RAB8B: variants seen among roughly 807,000 people sequenced by gnomAD.
RAB8B encodes ras-related protein Rab-8B.
Under a neutral mutation model 32.0 loss-of-function variants are expected in RAB8B, and 11 were observed. That is an observed-to-expected ratio of 0.34 (90% CI 0.22 to 0.57). The LOEUF (loss-of-function observed/expected upper bound fraction) is 0.57. Among genes scored for constraint, RAB8B ranks in the 20% least tolerant of loss-of-function variants. The pLI is 0.86. For missense variants in RAB8B, 190 were observed against 258.5 expected, an observed-to-expected ratio of 0.73 and a Z score of 1.82; for synonymous variants, 103 against 89.6, an observed-to-expected ratio of 1.15 and a Z score of -0.85.
At chr15:63,250,376 C>T (rs757430190) in intron 3 of RAB8B, among the ~76,000 whole-genome samples, 1 of 152,148 alleles carries the variant, frequency 6.6e-6, no homozygotes, top group Non-Finnish European at 1.5e-5. Context: ...AGCCCTGCCA[C>T]CATTATCTCT....
At chr15:63,236,082 C>T (rs1321153104) in intron 1 of RAB8B, among the ~76,000 whole-genome samples, 1 of 152,100 alleles carries the variant, frequency 6.6e-6, no homozygotes, top group Non-Finnish European at 1.5e-5. Context: ...CTCTCTTGGC[C>T]TCAGTTTTCT....
intron 1 of RAB8B, among the ~76,000 whole-genome samples, chr15:63,231,336 A>G (rs1023659300): frequency 6.6e-6 from 1 of 152,218 alleles, no homozygotes; most frequent in Non-Finnish European, 1.5e-5. Context: ...ATACATGGTC[A>G]ATACTTGGAA....
intron 1 of RAB8B, among the ~76,000 whole-genome samples, chr15:63,242,835 A>G (rs2038043416): frequency 6.6e-6 from 1 of 152,010 alleles, no homozygotes; most frequent in Admixed American, 6.5e-5. Context: ...TTCATGGAAG[A>G]CAGTTTTTCC....
rs1352391944 is a variant in RAB8B at position 63,263,711 on chromosome 15, C to T, written c.*92C>T. 1.8e-5 allele frequency: 18 copies of T among 1,022,870 alleles called. No homozygotes were observed. The highest frequency in any genetic ancestry group is 2.4e-5 in the Non-Finnish European group (16 of 666,202). The allele number at this position is 1,022,870 out of a possible 1,614,324, so 63.4% of individuals were successfully genotyped here. A position where few individuals can be genotyped will look rare whatever the true frequency, so the allele number is the denominator to read the frequency against. On this transcript the variant is annotated 3_prime_UTR_variant, in exon 8 of 8. Transcript: ENST00000321437. ...CACCCAGCCTCAGAATCACACCTCC[C>T]GGCTGCTGCTGAGAGCACCACTGAA...
At chr15:63,256,474 G>GT in intron 4 of RAB8B, 31 bp from the exon 5 acceptor site, 3 of 1,529,152 alleles carry the variant, frequency 2.0e-6, no homozygotes, top group South Asian at 2.4e-5. Context: ...TTCTCAGGCT[G>GT]TTTTTATAGC....
chr15:63,249,671 G>A lies in RAB8B; in HGVS notation c.212G>A (p.Arg71Gln). Reference sequence around the variant, plus strand: ...GACACAGCGGGTCAGGAAAGATTCCGAACAATCACGACAGCGTACTACAGA... The same window carrying A: ...GACACAGCGGGTCAGGAAAGATTCCAAACAATCACGACAGCGTACTACAGA... ...IWDTAGQERFRTITTAYYRGA... is the reference protein window; with the variant it reads ...IWDTAGQERFQTITTAYYRGA... The change falls in exon 3 of 8, where the codon CGA becomes CAA. Residue 71 changes from arginine (R) to glutamine (Q), a missense_variant. By Grantham distance (43) the Arg-to-Gln change is conservative. This residue lies in a region of RAB8B where 80 missense variants were observed against 142.6 expected (regional missense o/e 0.56). Transcript: ENST00000321437. 6.2e-6 allele frequency: 10 copies of A among 1,613,866 alleles called. No individual in the cohort carries two copies. Among genetic ancestry groups the A allele is most frequent in the Non-Finnish European group, 8.5e-6 (10 of 1,179,876 alleles).
At chr15:63,217,637 G>A (rs1428865254) in intron 1 of RAB8B, among the ~76,000 whole-genome samples, 17 of 152,194 alleles carry the variant, frequency 1.1e-4, no homozygotes, top group Admixed American at 1.1e-3. Flanking sequence ...AATGCTCATT[G>A]TGCAAATGAG....
intron 1 of RAB8B, among the ~76,000 whole-genome samples, chr15:63,231,114 A>T (rs2037933171): frequency 6.6e-6 from 1 of 152,242 alleles, no homozygotes; most frequent in South Asian, 2.1e-4. Context: ...AAGTAAAAAT[A>T]TGTATACAGC....
rs1293211551 is a variant in RAB8B, at chr15:63,264,039, A to T, written c.*420A>T. 1 of 156,962 alleles carries T rather than the reference A, an allele frequency of 6.4e-6. No individual in the cohort carries two copies. Among genetic ancestry groups the T allele is most frequent in the African/African-American group, 2.4e-5 (1 of 41,674 alleles). The allele number at this position is 156,962 out of a possible 1,614,324, so 9.7% of individuals were successfully genotyped here. Reference sequence around the variant, plus strand: ...TAAAAGAGCATTTACAGCAGAGGTTAATATACTAAAATTAAAGGGTATTTG... The same window carrying T: ...TAAAAGAGCATTTACAGCAGAGGTTTATATACTAAAATTAAAGGGTATTTG... On this transcript the variant is annotated 3_prime_UTR_variant, in exon 8 of 8. Transcript: ENST00000321437.
At chr15:63,221,987 C>T in intron 1 of RAB8B, among the ~76,000 whole-genome samples, 1 of 152,150 alleles carries the variant, frequency 6.6e-6, no homozygotes, top group South Asian at 2.1e-4. Context: ...AGCCCTTGGT[C>T]AGTTTTCTCT....
At chr15:63,211,763 A>G (rs1342619209) in intron 1 of RAB8B, among the ~76,000 whole-genome samples, 1 of 152,168 alleles carries the variant, frequency 6.6e-6, no homozygotes, top group African/African-American at 2.4e-5. Context: ...ATTGATAGAC[A>G]TCTCATAACT....
chr15:63,193,665 G>A (rs2037576923), intron 1 of RAB8B, among the ~76,000 whole-genome samples: 1 of 151,944 alleles, frequency 6.6e-6, no homozygotes, highest in Admixed American at 6.6e-5. Context: ...CAAAAAATTA[G>A]CCGGGGGTGG....
At chr15:63,236,077 T>G (rs1489344934) in intron 1 of RAB8B, among the ~76,000 whole-genome samples, 1 of 152,240 alleles carries the variant, frequency 6.6e-6, no homozygotes, top group African/African-American at 2.4e-5. Flanking sequence ...TGCATCTCTC[T>G]TGGCCTCAGT....
chr15:63,255,490 AT>A lies in RAB8B; in HGVS notation c.247-12del, dbSNP rs769878065. The A allele has an allele frequency of 3.2e-5, 49 of 1,534,066 alleles. No individual in the cohort carries two copies. In the Admixed American group the frequency reaches 4.2e-4, roughly 13 times the overall value. On this transcript the variant is annotated splice_polypyrimidine_tract_variant and intron_variant, in intron 3 of 7. Transcript: ENST00000321437. ...AATATATAAAGTACTAAATAAAGAT[AT>A]TTTTCCCCCTTATAGGGCATTATGC...
chr15:63,232,456 G>A (rs1015893903), intron 1 of RAB8B, among the ~76,000 whole-genome samples: 2 of 152,238 alleles, frequency 1.3e-5, no homozygotes, highest in Admixed American at 1.3e-4. Context: ...GTTATATTTT[G>A]TTGGTATGAT....
intron 1 of RAB8B, among the ~76,000 whole-genome samples, chr15:63,240,276 A>G (rs1458735475): frequency 6.6e-6 from 1 of 152,168 alleles, no homozygotes; most frequent in African/African-American, 2.4e-5. Flanking sequence ...CTGGAAAGCT[A>G]TTACAAATAA....
rs8036238 is a variant in RAB8B at position 63,259,742 on chromosome 15, G to T, written c.480+50G>T. 1.8e-3 allele frequency: 2,660 copies of T among 1,508,270 alleles called. 37 individuals carry two copies. In the African/African-American group the frequency reaches 0.033, roughly 19 times the overall value. The allele number at this position is 1,508,270 out of a possible 1,614,324, so 93.4% of individuals were successfully genotyped here. The stretch of plus-strand genomic sequence containing the variant: ...GTTACGGAGCAGCACCAGTGCTTAG[G>T]GGCCTGTGTTCAAACAGCTCTCAGA... On this transcript the variant is annotated intron_variant, in intron 6 of 7. Coordinates refer to ENST00000321437, the MANE Select transcript of RAB8B (RefSeq NM_016530.3). This position sits in a 1 kb window ranked among gnomAD's most constrained non-coding sequence, Gnocchi z 4.4.
rs188735457 is a variant in RAB8B at position 63,232,603 on chromosome 15, A to G, written c.125-12153A>G. 4.6e-4 allele frequency among the ~76,000 whole-genome samples: 70 copies of G among 152,360 alleles called. No individual in the cohort carries two copies. The East Asian group carries it at 9.2e-3, about 20-fold the overall frequency. On this transcript the variant is annotated intron_variant, in intron 1 of 7. Transcript: ENST00000321437. ...AGTGGTAATGTGTGTCACTGTTGAC[A>G]TATATAAATGCCATTTAATTTGCCA...
chr15:63,258,333 C>T (rs1215026788), intron 5 of RAB8B, among the ~76,000 whole-genome samples: 2 of 152,056 alleles, frequency 1.3e-5, no homozygotes, highest in African/African-American at 2.4e-5. Flanking sequence ...TAACTCCTGA[C>T]CTCAGGTGAT....
Sources: allele counts gnomAD v4.1 joint callset (sites outside exome capture counted in the v4.1 genomes callset), GRCh38; gene constraint gnomAD v4.1.1; regional missense constraint gnomAD v4.1.1; non-coding constraint Gnocchi (gnomAD v3.1); transcripts MANE v1.5; gene names NCBI Gene and HGNC (gene_info 2026-07-23, HGNC 2026-07-21).